VPS26B: variants seen among roughly 807,000 people sequenced by gnomAD.
VPS26B encodes the protein VPS26 retromer complex component B.
In VPS26B, 10 loss-of-function variants were observed where a neutral mutation model predicts 33.3. That is an observed-to-expected ratio of 0.30 (90% CI 0.19 to 0.51). The LOEUF (loss-of-function observed/expected upper bound fraction) is 0.51. Ranked by LOEUF, VPS26B falls within the 20% of genes least tolerant of loss-of-function variation. The pLI, the probability that VPS26B is intolerant of heterozygous loss-of-function variation, is 0.98. For missense variants in VPS26B, 317 were observed against 452.7 expected (o/e 0.70, Z 2.72); for synonymous variants, 190 against 176.9 (o/e 1.07, Z -0.59).
chr11:134,229,678 T>G (rs2136045781), intron 1 of VPS26B, among the ~76,000 whole-genome samples: 1 of 152,336 alleles, frequency 6.6e-6, no homozygotes, highest in South Asian at 2.1e-4. Flanking sequence ...TCCTCTCTCT[T>G]CTCAATGCCA....
Position 134,243,138 on chromosome 11 carries a change from A to G in VPS26B, c.565A>G (p.Ile189Val), listed in dbSNP as rs764777364. 2 of 1,611,516 alleles carry G rather than the reference A, an allele frequency of 1.2e-6. No homozygotes were observed. The highest frequency in any genetic ancestry group is 1.7e-6 in the Non-Finnish European group (2 of 1,178,716). The change falls in exon 4 of 6, where the codon ATT (isoleucine) becomes GTT (valine). Residue 189 changes from isoleucine to valine, a missense_variant. Ile to Val is a conservative substitution (Grantham distance 29). Coordinates refer to ENST00000281187, the MANE Select transcript of VPS26B (RefSeq NM_052875.5). ...NKSKYHLKDV[I>V]VGKIYFLLVR... ...CCCCAGATACCACTTGAAAGATGTC[A>G]TTGTAGGGAAGATATACTTCCTGCT...
Position 134,245,657 on chromosome 11 carries a change from G to GGGC in VPS26B, c.*70_*72dup. On this transcript the variant is annotated 3_prime_UTR_variant, in exon 6 of 6. Transcript: ENST00000281187. The surrounding 1 kb of genome is among the most constrained non-coding windows in gnomAD (Gnocchi z 4.7). ...CCCATCTACCAACACCAGCGGCTGG[G>GGGC]GGCGGGGGCGGACCTTGTGAGGCTC... 1 of 1,513,508 alleles carries GGGC rather than the reference G, an allele frequency of 6.6e-7. No individual in the cohort carries two copies. Among genetic ancestry groups the GGGC allele is most frequent in the South Asian group, 1.2e-5 (1 of 82,986 alleles). The allele number at this position is 1,513,508 out of a possible 1,614,324, so 93.8% of individuals were successfully genotyped here.
At chr11:134,225,600 G>A (rs868059881) in intron 1 of VPS26B, 2 of 517,866 alleles carry the variant, frequency 3.9e-6, no homozygotes, top group Middle Eastern at 6.3e-4. Context: ...GTGCCTCGTG[G>A]GATGGGCACC....
chr11:134,230,984 C>T (rs1429209149), intron 1 of VPS26B, among the ~76,000 whole-genome samples: 2 of 152,172 alleles, frequency 1.3e-5, no homozygotes, highest in African/African-American at 4.8e-5. Context: ...TACTGGCCCA[C>T]GTCTTTAGGA....
At position 134,235,410 on chromosome 11, in the gene VPS26B, C is replaced by T. The variant is rs550213451; in HGVS notation, c.380+357C>T. On this transcript the variant is annotated intron_variant, in intron 2 of 5. Transcript: ENST00000281187. ...GGAAAATAGGAAGTGATGAGATTTT[C>T]GCATGTCTTACCTTTGTTTTTAACA... 9.7e-4 allele frequency: 164 copies of T among 168,748 alleles called. 1 individual carries two copies. Among genetic ancestry groups the T allele is most frequent in the Non-Finnish European group, 2.9e-4 (23 of 79,260 alleles). The allele number at this position is 168,748 out of a possible 1,614,324, so 10.5% of individuals were successfully genotyped here.
chr11:134,235,932 G>A (rs1056573530), intron 2 of VPS26B, among the ~76,000 whole-genome samples: 3 of 152,156 alleles, frequency 2.0e-5, no homozygotes, highest in African/African-American at 7.2e-5. Context: ...CATCTCATAA[G>A]ATCGGTTTAT....
At chr11:134,227,440 G>GTCT (rs1239273457) in intron 1 of VPS26B, among the ~76,000 whole-genome samples, 1 of 152,180 alleles carries the variant, frequency 6.6e-6, no homozygotes, top group Non-Finnish European at 1.5e-5. Flanking sequence ...AACCCAGAAT[G>GTCT]TCTTCTGCCC....
chr11:134,240,560 G>A lies in VPS26B; in HGVS notation c.545+405G>A, dbSNP rs75413247. Among the ~76,000 whole-genome samples, 6,550 of 152,126 alleles carry A rather than the reference G, an allele frequency of 0.043. 466 individuals are homozygous for A. Among genetic ancestry groups the A allele is most frequent in the African/African-American group, 0.15 (6,161 of 41,464 alleles). Reference sequence around the variant, plus strand: ...CTGTGTCTTCAGAAATCAAAGCGACGAAACCAAATATTGGCCATGATTTGC... The same window carrying A: ...CTGTGTCTTCAGAAATCAAAGCGACAAAACCAAATATTGGCCATGATTTGC... On this transcript the variant is annotated intron_variant, in intron 3 of 5. Coordinates refer to ENST00000281187, the MANE Select transcript of VPS26B (RefSeq NM_052875.5). The surrounding 1 kb of genome is among the most constrained non-coding windows in gnomAD (Gnocchi z 4.4).
At chr11:134,237,305 A>G (rs1056781199) in intron 2 of VPS26B, among the ~76,000 whole-genome samples, 2 of 152,226 alleles carry the variant, frequency 1.3e-5, no homozygotes, top group Non-Finnish European at 2.9e-5. Flanking sequence ...TGTAATGGGA[A>G]CAAAGAGAAA....
intron 1 of VPS26B, among the ~76,000 whole-genome samples, chr11:134,226,321 G>C (rs958472557): frequency 6.6e-6 from 1 of 152,170 alleles, no homozygotes; most frequent in Non-Finnish European, 1.5e-5. Flanking sequence ...TGGGAGGATT[G>C]TTTGAACCCA....
Position 134,225,364 on chromosome 11 carries a change from C to T in VPS26B, c.223+19C>T. 6.2e-7 allele frequency: 1 copy of T among 1,611,836 alleles called. No individual in the cohort carries two copies. The highest frequency in any genetic ancestry group is 8.5e-7 in the Non-Finnish European group (1 of 1,178,984). ...CAGATCGGTGAGTCGACCCCCGGGACCCCCTCCCCCAGCGCCGACAGCCGG... is the reference window on the plus strand; with the variant it reads ...CAGATCGGTGAGTCGACCCCCGGGATCCCCTCCCCCAGCGCCGACAGCCGG... On this transcript the variant is annotated intron_variant, in intron 1 of 5. Coordinates refer to ENST00000281187, the MANE Select transcript of VPS26B (RefSeq NM_052875.5).
At chr11:134,243,434 C>A in intron 4 of VPS26B, 140 bp downstream of exon 4, 1 of 1,041,414 alleles carries the variant, frequency 9.6e-7, no homozygotes, top group Non-Finnish European at 1.4e-6. Context: ...CAGTTTACAC[C>A]GTGGGTGGCC....
chr11:134,242,412 A>G (rs1166311082), intron 3 of VPS26B, among the ~76,000 whole-genome samples: 8 of 152,202 alleles, frequency 5.3e-5, no homozygotes, highest in Admixed American at 5.2e-4. Flanking sequence ...CTGAATTCTG[A>G]TGTCCATGCC....
intron 1 of VPS26B, among the ~76,000 whole-genome samples, chr11:134,231,496 A>G (rs964419069): frequency 6.6e-6 from 1 of 151,828 alleles, no homozygotes; most frequent in African/African-American, 2.4e-5. Flanking sequence ...TGTGGTAAGC[A>G]CGAATCCTGA....
At position 134,228,361 on chromosome 11, in the gene VPS26B, C is replaced by G. The variant is rs1591876426; in HGVS notation, c.223+3016C>G. Among the ~76,000 whole-genome samples, 8 of 150,556 alleles carry G rather than the reference C, an allele frequency of 5.3e-5. No homozygotes were observed. The South Asian group carries it at 1.7e-3, about 32-fold the overall frequency. ...AGGCATTAGAATAACCTTTGTAGTT[C>G]TATTCGATGTAAAAGGGAGTTTGTG... On this transcript the variant is annotated intron_variant, in intron 1 of 5. Coordinates refer to ENST00000281187, the MANE Select transcript of VPS26B (RefSeq NM_052875.5).
chr11:134,233,963 A>G (rs1205582752), intron 1 of VPS26B, among the ~76,000 whole-genome samples: 1 of 152,234 alleles, frequency 6.6e-6, no homozygotes, highest in Non-Finnish European at 1.5e-5. Flanking sequence ...AAGAGGATAA[A>G]TTTAGAGCAA....
At chr11:134,228,552 A>G (rs1565354477) in intron 1 of VPS26B, among the ~76,000 whole-genome samples, 1 of 152,188 alleles carries the variant, frequency 6.6e-6, no homozygotes, top group East Asian at 1.9e-4. Flanking sequence ...GTTCTATTCG[A>G]TGTAAAAGGG....
chr11:134,226,577 G>A (rs1938476942), intron 1 of VPS26B, among the ~76,000 whole-genome samples: 1 of 152,066 alleles, frequency 6.6e-6, no homozygotes, highest in African/African-American at 2.4e-5. Flanking sequence ...TGTTTTTGTC[G>A]TTAGGTTAGG....
intron 3 of VPS26B, among the ~76,000 whole-genome samples, chr11:134,242,495 T>C (rs1010431134): frequency 6.6e-6 from 1 of 152,262 alleles, no homozygotes; most frequent in Admixed American, 6.5e-5. Flanking sequence ...ATACGGGCTG[T>C]GCACATGTAG....
Sources: allele counts gnomAD v4.1 joint callset (sites outside exome capture counted in the v4.1 genomes callset), GRCh38; gene constraint gnomAD v4.1.1; non-coding constraint Gnocchi (gnomAD v3.1); transcripts MANE v1.5; gene names NCBI Gene and HGNC (gene_info 2026-07-23, HGNC 2026-07-21).